Variants in OPCML observed in about 807,000 individuals in gnomAD.
OPCML encodes opioid binding protein/cell adhesion molecule like, also known as opioid-binding protein/cell adhesion molecule.
A neutral mutation model predicts 37.8 loss-of-function variants in OPCML; 13 were observed. That is an observed-to-expected ratio of 0.34 (90% CI 0.22 to 0.55). The LOEUF is 0.55. Among genes scored for constraint, OPCML ranks in the 20% least tolerant of loss-of-function variants. OPCML has a pLI of 0.91. For missense variants in OPCML, 341 were observed against 435.6 expected, an observed-to-expected ratio of 0.78 and a Z score of 1.93; for synonymous variants, 176 against 168.8, an observed-to-expected ratio of 1.04 and a Z score of -0.33.
chr11:132,871,412 G>C (rs1433157300), intron 2 of OPCML, among the ~76,000 whole-genome samples: 2 of 152,134 alleles, frequency 1.3e-5, no homozygotes, highest in Admixed American at 6.5e-5. Flanking sequence ...TGTACTGACA[G>C]GTACAGACTT....
At chr11:133,253,369 G>C (rs943719077) in intron 1 of OPCML, among the ~76,000 whole-genome samples, 1 of 152,082 alleles carries the variant, frequency 6.6e-6, no homozygotes, top group Non-Finnish European at 1.5e-5. Context: ...GAGTGCAGTG[G>C]TGCAACCTTG....
At chr11:133,505,698 T>G (rs762461554) in intron 1 of OPCML, among the ~76,000 whole-genome samples, 37 of 152,264 alleles carry the variant, frequency 2.4e-4, no homozygotes, top group Admixed American at 1.1e-3. Flanking sequence ...AGCAATGAGG[T>G]GAACTGATGC....
At chr11:133,274,658 G>A (rs1829014452) in intron 1 of OPCML, among the ~76,000 whole-genome samples, 3 of 152,206 alleles carry the variant, frequency 2.0e-5, no homozygotes, top group Non-Finnish European at 4.4e-5. Context: ...TCGGTGCTGG[G>A]CTTGGGGAGG....
At chr11:132,641,678 G>C (rs1272122116) in intron 3 of OPCML, among the ~76,000 whole-genome samples, 2 of 152,160 alleles carry the variant, frequency 1.3e-5, no homozygotes, top group African/African-American at 4.8e-5. Context: ...TGATTGATTT[G>C]GTGTATTTTC....
At chr11:133,485,969 T>A (rs575811616) in intron 1 of OPCML, among the ~76,000 whole-genome samples, 3 of 152,302 alleles carry the variant, frequency 2.0e-5, no homozygotes, top group Admixed American at 6.5e-5. Context: ...GCTAAATTGC[T>A]GTATAGTATT....
intron 1 of OPCML, among the ~76,000 whole-genome samples, chr11:132,990,626 A>G (rs1946757825): frequency 6.6e-6 from 1 of 152,226 alleles, no homozygotes; most frequent in South Asian, 2.1e-4. Flanking sequence ...ATGCCCCCAG[A>G]AAGTAAGAAA....
intron 1 of OPCML, among the ~76,000 whole-genome samples, chr11:133,419,617 C>G (rs987315909): frequency 6.6e-6 from 1 of 152,146 alleles, no homozygotes; most frequent in African/African-American, 2.4e-5. Context: ...GTGCCCCCTT[C>G]TGAACTCTGT....
At chr11:132,938,708 C>T (rs1315081661) in intron 2 of OPCML, among the ~76,000 whole-genome samples, 2 of 152,080 alleles carry the variant, frequency 1.3e-5, no homozygotes, top group Non-Finnish European at 2.9e-5. Flanking sequence ...TGCCTAGGCC[C>T]CCAGACACAG....
chr11:133,347,971 A>G (rs1944039976), intron 1 of OPCML, among the ~76,000 whole-genome samples: 1 of 152,230 alleles, frequency 6.6e-6, no homozygotes. Flanking sequence ...ATCAAAAGCC[A>G]GATACATAAA....
chr11:133,469,980 A>G (rs7481898), intron 1 of OPCML, among the ~76,000 whole-genome samples: 56,110 of 152,136 alleles, frequency 0.37, 15,731 homozygotes, highest in African/African-American at 0.79. Flanking sequence ...CTTAGACAGC[A>G]TTGCCTTACA....
At chr11:133,246,610 G>A (rs2136423585) in intron 1 of OPCML, among the ~76,000 whole-genome samples, 1 of 152,290 alleles carries the variant, frequency 6.6e-6, no homozygotes, top group African/African-American at 2.4e-5. Flanking sequence ...TCAGGGAGAG[G>A]ACAGAGGGCA....
At chr11:132,859,818 A>T (rs1253464893) in intron 2 of OPCML, among the ~76,000 whole-genome samples, 1 of 152,194 alleles carries the variant, frequency 6.6e-6, no homozygotes, top group Non-Finnish European at 1.5e-5. Context: ...ACATGTTCTT[A>T]ATTTTGTAAA....
At chr11:133,079,165 GC>G (rs772068363) in intron 1 of OPCML, among the ~76,000 whole-genome samples, 7 of 152,176 alleles carry the variant, frequency 4.6e-5, no homozygotes, top group Non-Finnish European at 1.0e-4. Flanking sequence ...CCGTTGGCAA[GC>G]ATGTTTGATA....
intron 2 of OPCML, among the ~76,000 whole-genome samples, chr11:132,878,822 G>C (rs1316899499): frequency 6.6e-6 from 1 of 152,120 alleles, no homozygotes; most frequent in Non-Finnish European, 1.5e-5. Context: ...ACAACTTTTA[G>C]ATCTGGGATG....
In OPCML at chr11:133,141,036, CGACGACGACGACGAA is replaced by C. The variant is rs1276300210; in HGVS notation, c.62-198041_62-198027del. Reference sequence around the variant, plus strand: ...ACGACGACGACGACGACGACGACGACGACGACGACGACGAAGAAGAAGAAGAAGAAGAAGAAGAAG... The same window carrying C: ...ACGACGACGACGACGACGACGACGACGAAGAAGAAGAAGAAGAAGAAGAAG... On this transcript the variant is annotated intron_variant, in intron 1 of 7. Coordinates refer to ENST00000524381, the MANE Select transcript of OPCML (RefSeq NM_001012393.5). Among the ~76,000 whole-genome samples, 7 of 6,582 alleles carry C rather than the reference CGACGACGACGACGAA, an allele frequency of 1.1e-3. 1 individual carries two copies. Among genetic ancestry groups the C allele is most frequent in the Admixed American group, 9.9e-3 (3 of 304 alleles). 4.3% of individuals were successfully genotyped at this position (6,582 alleles called of 152,430 possible). A position where few individuals can be genotyped will look rare whatever the true frequency, so the allele number is the denominator to read the frequency against.
At chr11:132,473,517 C>T (rs548030670) in intron 4 of OPCML, among the ~76,000 whole-genome samples, 2 of 152,314 alleles carry the variant, frequency 1.3e-5, no homozygotes, top group South Asian at 4.1e-4. Context: ...AGAGTAGGTG[C>T]TTCTCCACTA....
chr11:132,948,593 G>A (rs1403645394), intron 1 of OPCML, among the ~76,000 whole-genome samples: 1 of 152,080 alleles, frequency 6.6e-6, no homozygotes, highest in African/African-American at 2.4e-5. Flanking sequence ...TCATCTCTAG[G>A]AATTAGCTAG....
chr11:132,898,813 T>C (rs1004360051), intron 2 of OPCML, among the ~76,000 whole-genome samples: 2 of 151,922 alleles, frequency 1.3e-5, no homozygotes, highest in African/African-American at 4.8e-5. Context: ...ACAACAATGA[T>C]TCCATTGAAC....
intron 1 of OPCML, among the ~76,000 whole-genome samples, chr11:133,152,653 C>T (rs780968879): frequency 5.3e-5 from 8 of 152,054 alleles, no homozygotes; most frequent in Non-Finnish European, 1.2e-4. Context: ...GGAGTGTTCA[C>T]GTGCTAATGC....
Sources: allele counts gnomAD v4.1 joint callset (sites outside exome capture counted in the v4.1 genomes callset), GRCh38; gene constraint gnomAD v4.1.1; transcripts MANE v1.5; gene names NCBI Gene and HGNC (gene_info 2026-07-23, HGNC 2026-07-21).